Variants in ANK3 observed in about 807,000 individuals in gnomAD.
The protein encoded by ANK3 is ankyrin-3.
A neutral mutation model predicts 370.9 loss-of-function variants in ANK3; 57 were observed. The ratio of observed to expected loss-of-function variants is 0.15; its 90% CI spans 0.12 to 0.19. The LOEUF (loss-of-function observed/expected upper bound fraction) is 0.19. Among genes scored for constraint, ANK3 ranks in the 10% least tolerant of loss-of-function variants. The probability of loss-of-function intolerance (pLI) is 1.00; values close to 1 mark genes in which losing one functional copy is unlikely to be tolerated. For synonymous variants in ANK3, 1,929 were observed against 1,946.3 expected, an observed-to-expected ratio of 0.99 and a Z score of 0.23; for missense variants, 4,439 against 5,302.1, an observed-to-expected ratio of 0.84 and a Z score of 5.06.
intron 2 of ANK3, among the ~76,000 whole-genome samples, chr10:60,450,034 A>T (rs750696533): frequency 6.6e-6 from 1 of 152,224 alleles, no homozygotes; most frequent in African/African-American, 2.4e-5. Flanking sequence ...ACAGTGACTC[A>T]TGCTTATAAT....
At chr10:60,520,596 T>C (rs975346002) in intron 2 of ANK3, among the ~76,000 whole-genome samples, 4 of 152,124 alleles carry the variant, frequency 2.6e-5, no homozygotes, top group Non-Finnish European at 5.9e-5. Flanking sequence ...TCCAGTATGC[T>C]AACAATCCTT....
intron 2 of ANK3, among the ~76,000 whole-genome samples, chr10:60,445,987 G>C (rs992357985): frequency 3.3e-5 from 5 of 152,172 alleles, no homozygotes; most frequent in African/African-American, 4.8e-5. Flanking sequence ...CATTAGTGCT[G>C]TTCTTAAAAT....
intron 1 of ANK3, among the ~76,000 whole-genome samples, chr10:60,348,827 G>A (rs1030084500): frequency 2.6e-5 from 4 of 152,162 alleles, no homozygotes; most frequent in Non-Finnish European, 5.9e-5. Flanking sequence ...CACATTGTCT[G>A]GTACAGTAAA....
chr10:60,594,709 T>C (rs935804618), intron 2 of ANK3, among the ~76,000 whole-genome samples: 12 of 152,156 alleles, frequency 7.9e-5, no homozygotes, highest in African/African-American at 2.7e-4. Context: ...ATCTGTAATT[T>C]ATCTGCAGAA....
At chr10:60,088,514 C>T (rs2087289611) in intron 28 of ANK3, among the ~76,000 whole-genome samples, 156 bp from the exon 29 acceptor site, 1 of 152,186 alleles carries the variant, frequency 6.6e-6, no homozygotes, top group Admixed American at 6.5e-5. Flanking sequence ...CAACCTCAGC[C>T]TTCTGGGTTC....
At chr10:60,420,090 G>A (rs1164543827) in intron 2 of ANK3, among the ~76,000 whole-genome samples, 1 of 152,048 alleles carries the variant, frequency 6.6e-6, no homozygotes, top group East Asian at 1.9e-4. Flanking sequence ...ACTCCCAATG[G>A]CAGGCAGAAA....
At chr10:60,261,986 T>A (rs750965419) in intron 6 of ANK3, 29 bp from the exon 7 acceptor site, 2 of 1,588,974 alleles carry the variant, frequency 1.3e-6, no homozygotes, top group Non-Finnish European at 1.7e-6. Flanking sequence ...AGACATTCAA[T>A]TGATTCCTGC....
chr10:60,147,556 G>T (rs989736511), intron 23 of ANK3, among the ~76,000 whole-genome samples: 10 of 152,330 alleles, frequency 6.6e-5, no homozygotes, highest in African/African-American at 2.2e-4. Flanking sequence ...CCCCAGTGTT[G>T]GAGATGGGGC....
At position 60,642,808 on chromosome 10, in the gene ANK3, A is replaced by G. The variant is rs189754519; in HGVS notation, c.58-27584T>C. 1.6e-4 allele frequency among the ~76,000 whole-genome samples: 25 copies of G among 152,104 alleles called. No homozygotes were observed. The East Asian group carries it at 4.8e-3, about 29-fold the overall frequency. ...ATAAAATAAAATAAAGAGGCATTTTATAATAAGGAGTTAATTTAATGAGAA... is the reference window on the plus strand; with the variant it reads ...ATAAAATAAAATAAAGAGGCATTTTGTAATAAGGAGTTAATTTAATGAGAA... On this transcript the variant is annotated intron_variant, in intron 1 of 43. Coordinates refer to the ANK3 transcript ENST00000373827.
chr10:60,189,123 G>C (rs1310121609), intron 16 of ANK3, among the ~76,000 whole-genome samples: 1 of 152,166 alleles, frequency 6.6e-6, no homozygotes, highest in African/African-American at 2.4e-5. Context: ...AGGTAAGGCA[G>C]CTCACACATG....
intron 23 of ANK3, among the ~76,000 whole-genome samples, chr10:60,141,759 G>A (rs1234580210): frequency 1.3e-5 from 2 of 151,744 alleles, no homozygotes; most frequent in Non-Finnish European, 2.9e-5. Context: ...ATAAAGTAGG[G>A]GGAAAAATCT....
At chr10:60,495,732 A>G (rs750163614) in intron 2 of ANK3, among the ~76,000 whole-genome samples, 2 of 152,158 alleles carry the variant, frequency 1.3e-5, no homozygotes, top group Non-Finnish European at 2.9e-5. Flanking sequence ...TAGAGGAAAG[A>G]GAAGAGGAAA....
intron 2 of ANK3, among the ~76,000 whole-genome samples, chr10:60,482,107 A>G (rs931152074): frequency 2.0e-5 from 3 of 152,250 alleles, no homozygotes; most frequent in Admixed American, 2.0e-4. Context: ...GATTATGAAA[A>G]GTAATGCCTT....
intron 2 of ANK3, among the ~76,000 whole-genome samples, chr10:60,541,042 T>C (rs980805240): frequency 2.6e-5 from 4 of 151,962 alleles, no homozygotes; most frequent in Admixed American, 2.6e-4. Context: ...GAACATCAAA[T>C]AGTTAAAAAG....
In ANK3 at chr10:60,084,769, T is replaced by C. The variant is rs1425482771; in HGVS notation, c.3907A>G (p.Arg1303Gly). ...ETVGLATQLYRELICVPYMAK... is the reference protein window; with the variant it reads ...ETVGLATQLYGELICVPYMAK... Reference sequence around the variant, plus strand: ...ATATATGGAACACATATCAATTCTCTGTACAGTTGCGTGGCTAACCCCACA... The same window carrying C: ...ATATATGGAACACATATCAATTCTCCGTACAGTTGCGTGGCTAACCCCACA... The change falls in exon 32 of 44, where the codon AGA becomes GGA. Residue 1303 changes from arginine to glycine, a missense_variant. Physicochemically the swap from Arg to Gly is moderately radical, Grantham distance 125. Coordinates refer to ENST00000280772, the MANE Select transcript of ANK3 (RefSeq NM_020987.5). 3.6e-5 allele frequency: 58 copies of C among 1,603,316 alleles called. No homozygotes were observed. The highest frequency in any genetic ancestry group is 4.8e-5 in the Non-Finnish European group (57 of 1,175,870).
chr10:60,086,987 C>A (rs555595405), intron 29 of ANK3, 103 bp from the exon 30 acceptor site: 496 of 96,986 alleles, frequency 5.1e-3, no homozygotes, highest in South Asian at 0.021. Flanking sequence ...CAAAAACAGA[C>A]AACCAAAAAA....
rs756050517 is a variant in ANK3 at position 60,072,528 on chromosome 10, T to C, written c.8353A>G (p.Met2785Val). The C allele has an allele frequency of 3.5e-5, 57 of 1,613,548 alleles. 1 individual carries two copies. The Admixed American group carries it at 6.2e-4, about 17-fold the overall frequency. The change falls in exon 37 of 44, where the codon ATG becomes GTG. Residue 2785 changes from methionine to valine, a missense_variant. By Grantham distance (21) the Met-to-Val change is conservative. Around this residue, in one of 13 missense-constraint regions of ANK3, gnomAD observed 1,601 missense variants for 1,731.7 expected, o/e 0.92. Transcript: ENST00000280772. ...TGCTCATCTTTGGTTTTTAATACCA[T>C]AAAATCTTTTTGCACAGATACACTT... ...DESVSVQKDF[M>V]VLKTKDEHAQ...
intron 1 of ANK3, among the ~76,000 whole-genome samples, chr10:60,658,832 T>G (rs1588984446): frequency 6.9e-6 from 1 of 145,322 alleles, no homozygotes; most frequent in African/African-American, 2.6e-5. Flanking sequence ...AGGGGAAGGG[T>G]AGGGAGGGAA....
chr10:60,213,630 T>C, intron 8 of ANK3, 120 bp from the exon 9 acceptor site: 1 of 485,606 alleles, frequency 2.1e-6, no homozygotes, highest in Middle Eastern at 3.1e-4. Context: ...TTCAAACATT[T>C]GCTCATTTAT....
Sources: gnomAD v4.1 joint callset for allele counts (sites outside exome capture counted in the v4.1 genomes callset) on GRCh38, gnomAD v4.1.1 for gene constraint, gnomAD v4.1.1 regional missense constraint, MANE v1.5 for transcripts, NCBI Gene and HGNC (gene_info 2026-07-23, HGNC 2026-07-21) for gene names.